The following CNTN5 variants were observed in gnomAD, a reference collection of about 807,000 sequenced individuals.
CNTN5 encodes the protein contactin-5.
CNTN5 carries 77 observed loss-of-function variants against 129.1 expected under a neutral mutation model. That is an observed-to-expected ratio of 0.60 (90% confidence interval 0.50 to 0.72). CNTN5 has a LOEUF of 0.72. Ranked by LOEUF, CNTN5 falls within the 30% of genes least tolerant of loss-of-function variation. CNTN5 has a pLI of 0.00. For synonymous variants in CNTN5, 509 were observed against 465.6 expected (o/e 1.09, Z -1.20); for missense variants, 1,478 against 1,328.8 (o/e 1.11, Z -1.75).
chr11:100,344,684 T>G (rs2139023328), intron 23 of CNTN5, among the ~76,000 whole-genome samples: 1 of 152,240 alleles, frequency 6.6e-6, no homozygotes. Flanking sequence ...TTTAAGGTAA[T>G]GGATAACCCA....
intron 13 of CNTN5, among the ~76,000 whole-genome samples, chr11:100,132,958 C>T (rs562320634): frequency 1.3e-5 from 2 of 152,092 alleles, no homozygotes; most frequent in South Asian, 4.1e-4. Context: ...TAGTATTACT[C>T]TATAGGATTA....
intron 3 of CNTN5, among the ~76,000 whole-genome samples, chr11:99,570,896 C>G (rs1219481362): frequency 1.3e-5 from 2 of 152,070 alleles, no homozygotes; most frequent in East Asian, 3.8e-4. Context: ...AAATACAAGC[C>G]ACATGAATAT....
At chr11:99,769,689 C>T (rs1944877472) in intron 3 of CNTN5, among the ~76,000 whole-genome samples, 1 of 151,934 alleles carries the variant, frequency 6.6e-6, no homozygotes, top group African/African-American at 2.4e-5. Flanking sequence ...TGGTGCTTGC[C>T]TGTAATCCCA....
intron 13 of CNTN5, among the ~76,000 whole-genome samples, chr11:100,106,057 T>C (rs1269633230): frequency 1.3e-5 from 2 of 152,204 alleles, no homozygotes; most frequent in Non-Finnish European, 2.9e-5. Flanking sequence ...TGATTTCAGC[T>C]CCTGTAAAGT....
chr11:99,214,222 C>G (rs146679120), intron 1 of CNTN5, among the ~76,000 whole-genome samples: 264 of 151,964 alleles, frequency 1.7e-3, no homozygotes, highest in African/African-American at 5.9e-3. Context: ...GTAGTTTGGA[C>G]AAAGGAACCA....
intron 3 of CNTN5, among the ~76,000 whole-genome samples, chr11:99,611,029 G>T (rs1004057106): frequency 6.6e-6 from 1 of 152,088 alleles, no homozygotes; most frequent in Non-Finnish European, 1.5e-5. Flanking sequence ...TGCACTCAAG[G>T]TGCTGGTGAA....
At chr11:99,580,213 G>A (rs927041371) in intron 3 of CNTN5, among the ~76,000 whole-genome samples, 6 of 152,138 alleles carry the variant, frequency 3.9e-5, no homozygotes, top group African/African-American at 1.2e-4. Flanking sequence ...TTTTTGATGT[G>A]TTGCTGGATT....
intron 2 of CNTN5, among the ~76,000 whole-genome samples, chr11:99,515,127 G>T (rs996216515): frequency 2.0e-5 from 3 of 151,954 alleles, no homozygotes; most frequent in Non-Finnish European, 2.9e-5. Flanking sequence ...TAATTTAAAA[G>T]CTCTGTTGGT....
intron 2 of CNTN5, among the ~76,000 whole-genome samples, chr11:99,360,272 C>A (rs1333786828): frequency 6.6e-6 from 1 of 152,106 alleles, no homozygotes; most frequent in Non-Finnish European, 1.5e-5. Flanking sequence ...GTCTGTAGCG[C>A]TCCTGGGCTA....
At chr11:99,466,884 C>G (rs1944965698) in intron 2 of CNTN5, among the ~76,000 whole-genome samples, 2 of 151,984 alleles carry the variant, frequency 1.3e-5, no homozygotes, top group Non-Finnish European at 2.9e-5. Context: ...TACATAATTG[C>G]CAGCACATTC....
At chr11:99,059,145 G>C (rs1462692472) in intron 1 of CNTN5, among the ~76,000 whole-genome samples, 2 of 142,966 alleles carry the variant, frequency 1.4e-5, no homozygotes, top group African/African-American at 5.2e-5. Context: ...TGCTTATACT[G>C]GTCATTGGTT....
chr11:99,942,792 C>T (rs569437741), intron 7 of CNTN5, among the ~76,000 whole-genome samples: 1 of 152,126 alleles, frequency 6.6e-6, no homozygotes, highest in South Asian at 2.1e-4. Context: ...GTTTTCTGTT[C>T]CTGTGTTAGA....
At chr11:99,884,246 A>G (rs1298583945) in intron 6 of CNTN5, among the ~76,000 whole-genome samples, 2 of 152,210 alleles carry the variant, frequency 1.3e-5, no homozygotes, top group Admixed American at 1.3e-4. Context: ...ACAAATAGTA[A>G]AAGATCAAAG....
chr11:99,659,411 G>C (rs192187970), intron 3 of CNTN5, among the ~76,000 whole-genome samples: 1 of 152,196 alleles, frequency 6.6e-6, no homozygotes, highest in African/African-American at 2.4e-5. Flanking sequence ...TTTGTTTTAG[G>C]TTTTGGTAAC....
In CNTN5 at chr11:99,638,908, G is replaced by A. The variant is rs189789311; in HGVS notation, c.55+82639G>A. 1.8e-3 allele frequency among the ~76,000 whole-genome samples: 281 copies of A among 152,212 alleles called. 2 individuals carry two copies. The highest frequency in any genetic ancestry group is 1.1e-3 in the Non-Finnish European group (73 of 68,008). On this transcript the variant is annotated intron_variant, in intron 3 of 24. Transcript: ENST00000524871. ...ACTGTTCTGGGGTCTGGAAGATGGT[G>A]GCCCTCTTCTCACAACTCTACTAGG...
rs191479628 is a variant in CNTN5 at position 99,893,914 on chromosome 11, G to C, written c.578-22140G>C. 5.3e-5 allele frequency among the ~76,000 whole-genome samples: 8 copies of C among 152,164 alleles called. No homozygotes were observed. In the East Asian group the frequency reaches 1.5e-3, roughly 29 times the overall value. ...GCTTTGCATAGTTTAATCATTTGGG[G>C]CTAAGGATCAAGAGAGAGAGTGAGA... On this transcript the variant is annotated intron_variant, in intron 6 of 24. Coordinates refer to ENST00000524871, the MANE Select transcript of CNTN5 (RefSeq NM_014361.4).
intron 3 of CNTN5, among the ~76,000 whole-genome samples, chr11:99,664,424 A>G (rs1020966501): frequency 1.3e-5 from 2 of 152,090 alleles, no homozygotes; most frequent in Non-Finnish European, 2.9e-5. Context: ...GATCTCCAGG[A>G]TCCAGAAAAG....
intron 2 of CNTN5, among the ~76,000 whole-genome samples, chr11:99,515,311 T>C (rs1224641920): frequency 6.6e-6 from 1 of 152,058 alleles, no homozygotes. Context: ...AAAATTAGAA[T>C]TGATAGCCAC....
chr11:99,784,352 A>G (rs1165405341), intron 3 of CNTN5, among the ~76,000 whole-genome samples: 1 of 151,024 alleles, frequency 6.6e-6, no homozygotes, highest in East Asian at 2.0e-4. Flanking sequence ...CCCTGTGTCC[A>G]TGTGTTCTCA....
Sources: allele counts gnomAD v4.1 joint callset (sites outside exome capture counted in the v4.1 genomes callset), GRCh38; gene constraint gnomAD v4.1.1; transcripts MANE v1.5; gene names NCBI Gene and HGNC (gene_info 2026-07-23, HGNC 2026-07-21).